TMEM266: variants seen among roughly 807,000 people sequenced by gnomAD.
TMEM266 encodes transmembrane protein 266.
In TMEM266, 33 loss-of-function variants were observed where a neutral mutation model predicts 50.5. The observed-to-expected ratio is 0.65, with a 90% CI of 0.50 to 0.87. The LOEUF is 0.87. Ranked by LOEUF, TMEM266 falls within the 40% of genes least tolerant of loss-of-function variation. The pLI is 0.00. For synonymous variants in TMEM266, 310 were observed against 292.3 expected (o/e 1.06, Z -0.62); for missense variants, 655 against 695.1 (o/e 0.94, Z 0.65).
intron 8 of TMEM266, among the ~76,000 whole-genome samples, chr15:76,179,815 G>A (rs541487061): frequency 1.0e-3 from 153 of 152,236 alleles, no homozygotes; most frequent in East Asian, 1.9e-3. Context: ...CTGGCCTGGC[G>A]CGATGGCTCA....
Position 76,202,263 on chromosome 15 carries a change from T to C in TMEM266, c.1020T>C (p.Ser340=), listed in dbSNP as rs752158649. ...GTCAGTATTACAATGGGCCCAGCAG[T>C]GGTAAGTCTGGGTTGGGGCTGTTCT... The change falls in exon 10 of 11, where the codon AGT becomes AGC. Residue 340 remains serine (S), a splice_region_variant and synonymous_variant. Coordinates refer to ENST00000388942, the MANE Select transcript of TMEM266 (RefSeq NM_152335.3). 1.2e-6 allele frequency: 2 copies of C among 1,613,146 alleles called. No homozygotes were observed. The highest frequency in any genetic ancestry group is 1.7e-5 in the Admixed American group (1 of 59,906).
rs570238299 is a variant in TMEM266, at chr15:76,192,039, G to A, written c.840G>A (p.Ala280=). The change falls in exon 9 of 11, where the codon GCG becomes GCA. Residue 280 remains alanine (A), a synonymous_variant. Transcript: ENST00000388942. ...ACCTGGCTGCCGAGCGCGAAGCGGC[G>A]CTCCAGGCCCCGCACGTGCTCAGCC... is the stretch of plus-strand genomic sequence containing the variant. 23 of 1,559,184 alleles carry A rather than the reference G, an allele frequency of 1.5e-5. No homozygotes were observed. The highest frequency in any genetic ancestry group is 1.3e-4 in the East Asian group (5 of 39,842).
At chr15:76,202,290 C>T in intron 10 of TMEM266, 26 bp downstream of exon 10, 1 of 1,592,988 alleles carries the variant, frequency 6.3e-7, no homozygotes, top group Non-Finnish European at 8.6e-7. Context: ...GGCTGTTCTA[C>T]ATGTGCCACA....
chr15:76,096,147 T>C (rs553297094), intron 1 of TMEM266, among the ~76,000 whole-genome samples: 2 of 152,206 alleles, frequency 1.3e-5, no homozygotes. Context: ...ATTTCTTGTT[T>C]TCTGCTAGAT....
At chr15:76,120,406 A>G (rs1040778079) in intron 1 of TMEM266, among the ~76,000 whole-genome samples, 6 of 152,200 alleles carry the variant, frequency 3.9e-5, no homozygotes, top group Non-Finnish European at 7.3e-5. Context: ...AGTGTGAATA[A>G]TATGTATTAA....
In TMEM266 at chr15:76,204,158, A is replaced by G. The variant is rs142307813; in HGVS notation, c.1439A>G (p.His480Arg). Residue 480 changes from histidine (H) to arginine (R), a missense_variant, in exon 11 of 11, where the codon CAC (histidine) becomes CGC (arginine). Transcript: ENST00000388942. The stretch of plus-strand genomic sequence containing the variant: ...GCCCAAACCAGCCCCGAGCTGGAAC[A>G]CAGGGTAAGTCTGTTCAACCAGAAG... 1 of 1,613,584 alleles carries G rather than the reference A, an allele frequency of 6.2e-7. No individual in the cohort carries two copies. The highest frequency in any genetic ancestry group is 8.5e-7 in the Non-Finnish European group (1 of 1,179,970).
chr15:76,183,770 T>A (rs563473087), intron 8 of TMEM266, among the ~76,000 whole-genome samples: 18 of 152,144 alleles, frequency 1.2e-4, no homozygotes, highest in Non-Finnish European at 2.2e-4. Flanking sequence ...CCCTGGCCTG[T>A]TTTCCTGAAG....
intron 3 of TMEM266, among the ~76,000 whole-genome samples, chr15:76,140,921 T>C (rs1358185487): frequency 1.3e-5 from 2 of 151,592 alleles, no homozygotes; most frequent in South Asian, 2.1e-4. Flanking sequence ...CCTGTCATCC[T>C]AGCTGCTTCA....
At chr15:76,126,374 C>CATATATATATATATATAT (rs61446223) in intron 1 of TMEM266, among the ~76,000 whole-genome samples, 21 of 137,816 alleles carry the variant, frequency 1.5e-4, no homozygotes, top group African/African-American at 5.0e-4. Flanking sequence ...CACCCACAGA[C>CATATATATATATATATAT]ATATATATAT....
chr15:76,174,527 G>A (rs1435142615), intron 7 of TMEM266, among the ~76,000 whole-genome samples: 2 of 152,194 alleles, frequency 1.3e-5, no homozygotes, highest in Non-Finnish European at 2.9e-5. Context: ...TCCAGCCTGG[G>A]TGACAGCAAG....
chr15:76,155,016 A>C (rs2037904263), intron 3 of TMEM266, among the ~76,000 whole-genome samples: 1 of 152,208 alleles, frequency 6.6e-6, no homozygotes, highest in South Asian at 2.1e-4. Context: ...CATCATCACC[A>C]ATCCATTTCA....
At chr15:76,070,004 G>A (rs573073090) in intron 1 of TMEM266, among the ~76,000 whole-genome samples, 9 of 152,202 alleles carry the variant, frequency 5.9e-5, no homozygotes, top group East Asian at 3.9e-4. Context: ...ATTATGCAAC[G>A]TTTATTGCAT....
chr15:76,151,353 C>G (rs533640128), intron 3 of TMEM266, among the ~76,000 whole-genome samples: 5 of 152,160 alleles, frequency 3.3e-5, no homozygotes, highest in Non-Finnish European at 7.3e-5. Context: ...TAGGAATGTC[C>G]GAGTCATCTG....
chr15:76,079,307 C>T (rs996330342), intron 1 of TMEM266, among the ~76,000 whole-genome samples: 5 of 149,694 alleles, frequency 3.3e-5, no homozygotes, highest in African/African-American at 9.9e-5. Context: ...GAGCTGAAAT[C>T]GTGGCATTGC....
At chr15:76,182,096 C>T (rs911930609) in intron 8 of TMEM266, among the ~76,000 whole-genome samples, 7 of 152,164 alleles carry the variant, frequency 4.6e-5, no homozygotes, top group Non-Finnish European at 8.8e-5. Flanking sequence ...CCCCTTAGGA[C>T]ATCCTTAGAC....
At chr15:76,176,479 T>G (rs36028850) in intron 8 of TMEM266, 3 of 152,284 alleles carry the variant, frequency 2.0e-5, no homozygotes, top group African/African-American at 7.3e-5. Context: ...GGCTGTAAGG[T>G]GGGAATGCTA....
At chr15:76,120,205 G>A (rs2037319018) in intron 1 of TMEM266, among the ~76,000 whole-genome samples, 2 of 150,982 alleles carry the variant, frequency 1.3e-5, no homozygotes, top group African/African-American at 2.4e-5. Context: ...CACTTTTCAC[G>A]GTGGCCAAAA....
At chr15:76,173,752 G>A (rs2063929427) in intron 7 of TMEM266, among the ~76,000 whole-genome samples, 1 of 151,962 alleles carries the variant, frequency 6.6e-6, no homozygotes, top group South Asian at 2.1e-4. Context: ...GGTCAACCCT[G>A]TGAAACCCCG....
At chr15:76,101,735 C>T (rs554835077) in intron 1 of TMEM266, among the ~76,000 whole-genome samples, 1 of 152,352 alleles carries the variant, frequency 6.6e-6, no homozygotes, top group South Asian at 2.1e-4. Context: ...ACACCGCTCC[C>T]ACCTCCTTTA....
Sources: allele counts gnomAD v4.1 joint callset (sites outside exome capture counted in the v4.1 genomes callset), GRCh38; gene constraint gnomAD v4.1.1; transcripts MANE v1.5; gene names NCBI Gene and HGNC (gene_info 2026-07-23, HGNC 2026-07-21).